ZSWIM6: variants seen among roughly 807,000 people sequenced by gnomAD.
The protein encoded by ZSWIM6 is zinc finger SWIM-type containing 6.
Under a neutral mutation model 113.2 loss-of-function variants are expected in ZSWIM6, and 9 were observed. That is an observed-to-expected ratio of 0.08 (90% CI 0.05 to 0.14). The LOEUF is 0.14. Among genes scored for constraint, ZSWIM6 ranks in the 10% least tolerant of loss-of-function variants. ZSWIM6 has a pLI of 1.00. For synonymous variants in ZSWIM6, 611 were observed against 606.5 expected, an observed-to-expected ratio of 1.01 and a Z score of -0.11; for missense variants, 1,162 against 1,552.2, an observed-to-expected ratio of 0.75 and a Z score of 4.22.
intron 1 of ZSWIM6, among the ~76,000 whole-genome samples, chr5:61,444,790 G>A (rs1356452589): frequency 6.6e-6 from 1 of 152,010 alleles, no homozygotes; most frequent in African/African-American, 2.4e-5. Context: ...ATACTCCCTG[G>A]GCCTAGAGGG....
At chr5:61,353,608 A>G (rs540694236) in intron 1 of ZSWIM6, among the ~76,000 whole-genome samples, 2 of 152,088 alleles carry the variant, frequency 1.3e-5, no homozygotes, top group African/African-American at 4.8e-5. Context: ...ATTATGTTTT[A>G]TTTTTTTCTC....
At position 61,332,669 on chromosome 5, in the gene ZSWIM6, G is replaced by GCCGCGGGCGGCC; in HGVS notation, c.401_412dup (p.Ala134_Pro137dup). The GCCGCGGGCGGCC allele has an allele frequency of 9.0e-7, 1 of 1,108,378 alleles. No individual in the cohort carries two copies. Among genetic ancestry groups the GCCGCGGGCGGCC allele is most frequent in the Non-Finnish European group, 1.1e-6 (1 of 886,520 alleles). The allele number at this position is 1,108,378 out of a possible 1,614,324, so 68.7% of individuals were successfully genotyped here. On this transcript the variant is annotated inframe_insertion, in exon 1 of 14. Transcript: ENST00000252744. ...CTCGTCCTTCAACACCGGCGGCGGC[G>GCCGCGGGCGGCC]CCGCGGGCGGCCCCGGCGACGACAG...
intron 2 of ZSWIM6, among the ~76,000 whole-genome samples, chr5:61,473,367 T>A (rs1052963324): frequency 5.3e-5 from 8 of 152,230 alleles, no homozygotes; most frequent in African/African-American, 1.9e-4. Context: ...GACTTGTGCA[T>A]ATTGTGAATT....
intron 4 of ZSWIM6, among the ~76,000 whole-genome samples, chr5:61,516,197 T>G (rs1748935439): frequency 6.6e-6 from 1 of 151,472 alleles, no homozygotes; most frequent in Non-Finnish European, 1.5e-5. Context: ...GGTCTACCAT[T>G]TAATCATTTG....
At chr5:61,333,011 G>GCCCCCCCC in intron 1 of ZSWIM6, 63 bp downstream of exon 1, 1 of 1,003,828 alleles carries the variant, frequency 1.0e-6, no homozygotes, top group Non-Finnish European at 1.2e-6. Context: ...GGGGGGGGGT[G>GCCCCCCCC]CCCGCCTTTC....
At chr5:61,541,024 A>G (rs1005574506) in intron 12 of ZSWIM6, among the ~76,000 whole-genome samples, 2 of 148,424 alleles carry the variant, frequency 1.3e-5, no homozygotes, top group Non-Finnish European at 3.0e-5. Context: ...GCTCACTGCA[A>G]CCTCTGCCTC....
chr5:61,401,388 T>G (rs536971804), intron 1 of ZSWIM6, among the ~76,000 whole-genome samples: 1 of 152,212 alleles, frequency 6.6e-6, no homozygotes, highest in East Asian at 1.9e-4. Context: ...AGGTAAAGTT[T>G]AAAAAGCAAT....
rs958532314 is a variant in ZSWIM6 at position 61,545,617 on chromosome 5, A to G, written c.*1300A>G. 6.6e-6 allele frequency: 1 copy of G among 152,160 alleles called. No individual in the cohort carries two copies. Among genetic ancestry groups the G allele is most frequent in the Non-Finnish European group, 1.5e-5 (1 of 68,032 alleles). 9.4% of individuals were successfully genotyped at this position (152,160 alleles called of 1,614,324 possible). A position where few individuals can be genotyped will look rare whatever the true frequency, so the allele number is the denominator to read the frequency against. ...TAGGTATTTTGACTTTGTGCAGGAC[A>G]GAAAGTTGTGTAGGTATGACTGTTC... On this transcript the variant is annotated 3_prime_UTR_variant, in exon 14 of 14. Transcript: ENST00000252744.
chr5:61,385,692 C>T (rs1481989378), intron 1 of ZSWIM6, among the ~76,000 whole-genome samples: 1 of 152,186 alleles, frequency 6.6e-6, no homozygotes, highest in Non-Finnish European at 1.5e-5. Context: ...CTAACATAAC[C>T]AGGCAGCGTA....
chr5:61,523,624 C>G (rs1223304076), intron 5 of ZSWIM6, among the ~76,000 whole-genome samples: 1 of 151,886 alleles, frequency 6.6e-6, no homozygotes, highest in Admixed American at 6.5e-5. Context: ...TTTTTTCAAT[C>G]TTACTGCACA....
chr5:61,472,113 T>A lies in ZSWIM6; in HGVS notation c.677-568T>A, dbSNP rs545885793. Among the ~76,000 whole-genome samples, 3 of 152,312 alleles carry A rather than the reference T, an allele frequency of 2.0e-5. No individual in the cohort carries two copies. The South Asian group carries it at 6.2e-4, about 32-fold the overall frequency. On this transcript the variant is annotated intron_variant, in intron 1 of 13. Coordinates refer to ENST00000252744, the MANE Select transcript of ZSWIM6 (RefSeq NM_020928.2). This position sits in a 1 kb window ranked among gnomAD's most constrained non-coding sequence, Gnocchi z 4.1. ...GCTGTATTGGGGTATACATTATGCA[T>A]GTTGCAGAAAGGATTGTCAAATTTA...
chr5:61,353,060 C>CT (rs1262054994), intron 1 of ZSWIM6, among the ~76,000 whole-genome samples: 1 of 151,980 alleles, frequency 6.6e-6, no homozygotes, highest in East Asian at 1.9e-4. Flanking sequence ...TATGCTTGAG[C>CT]TTTTTTTCAG....
chr5:61,541,871 C>A lies in ZSWIM6; in HGVS notation c.2704-13C>A, dbSNP rs1288146443. 6.5e-7 allele frequency: 1 copy of A among 1,540,582 alleles called. No individual in the cohort carries two copies. The highest frequency in any genetic ancestry group is 8.8e-7 in the Non-Finnish European group (1 of 1,139,562). On this transcript the variant is annotated splice_polypyrimidine_tract_variant and intron_variant, in intron 12 of 13. Transcript: ENST00000252744. ...ATAATTTTCTAAAACATTTTGTTAC[C>A]CTGTTTTTATAGGTTATGCGAATGA...
intron 1 of ZSWIM6, among the ~76,000 whole-genome samples, chr5:61,388,376 A>G (rs1745634004): frequency 1.3e-5 from 2 of 152,214 alleles, no homozygotes; most frequent in South Asian, 4.1e-4. Context: ...CTACAAGTGT[A>G]TTTAAAATTG....
rs77007669 is a variant in ZSWIM6, at chr5:61,334,501, T to G, written c.676+1553T>G. 6.5e-3 allele frequency among the ~76,000 whole-genome samples: 996 copies of G among 152,316 alleles called. 8 individuals are homozygous for G. The highest frequency in any genetic ancestry group is 0.02 in the African/African-American group (842 of 41,560). On this transcript the variant is annotated intron_variant, in intron 1 of 13. Transcript: ENST00000252744. ...TTCTGTAGTCAGTTCCTTTTATCCTTCTTTTCTTTGGAAGTGGGGTGGGGG... is the reference window on the plus strand; with the variant it reads ...TTCTGTAGTCAGTTCCTTTTATCCTGCTTTTCTTTGGAAGTGGGGTGGGGG...
intron 4 of ZSWIM6, among the ~76,000 whole-genome samples, chr5:61,495,174 A>G (rs548361794): frequency 9.2e-5 from 14 of 152,252 alleles, no homozygotes; most frequent in African/African-American, 3.4e-4. Flanking sequence ...TTACTAGAAG[A>G]TCCTAGTCTT....
intron 1 of ZSWIM6, among the ~76,000 whole-genome samples, chr5:61,338,503 G>A (rs370361348): frequency 6.6e-6 from 1 of 152,122 alleles, no homozygotes; most frequent in South Asian, 2.1e-4. Context: ...TGAGATGTTT[G>A]ATTTATGTAA....
intron 1 of ZSWIM6, among the ~76,000 whole-genome samples, chr5:61,469,536 T>C (rs1330247012): frequency 6.6e-6 from 1 of 152,226 alleles, no homozygotes; most frequent in Non-Finnish European, 1.5e-5. Flanking sequence ...ATAGTAAATT[T>C]TAAGTAACAA....
intron 1 of ZSWIM6, chr5:61,391,212 G>GGC: frequency 1.1e-6 from 1 of 883,090 alleles, no homozygotes; most frequent in Non-Finnish European, 1.9e-6. Context: ...TGGTCAACCT[G>GGC]ATGACGTCGA....
Sources: gnomAD v4.1 joint callset for allele counts (sites outside exome capture counted in the v4.1 genomes callset) on GRCh38, gnomAD v4.1.1 for gene constraint, Gnocchi (gnomAD v3.1) non-coding constraint, MANE v1.5 for transcripts, NCBI Gene and HGNC (gene_info 2026-07-23, HGNC 2026-07-21) for gene names.